Variants in INTS6L observed in about 807,000 individuals in gnomAD.
INTS6L encodes integrator complex subunit 6 like, also known as integrator complex subunit 6-like.
Under a neutral mutation model 64.7 loss-of-function variants are expected in INTS6L, and 18 were observed. That is an observed-to-expected ratio of 0.28 (90% confidence interval 0.19 to 0.41). The LOEUF (loss-of-function observed/expected upper bound fraction) is 0.41, where lower values mean the gene tolerates loss of function less well. Ranked by LOEUF, INTS6L falls within the 10% of genes least tolerant of loss-of-function variation. INTS6L has a pLI of 1.00. For synonymous variants in INTS6L, 227 were observed against 235.9 expected (o/e 0.96, Z 0.34); for missense variants, 533 against 661.0 (o/e 0.81, Z 2.12).
chrX:135,581,456 C>A, intron 17 of INTS6L, 72 bp from the exon 18 acceptor site: 1 of 769,509 alleles, frequency 1.3e-6, no homozygotes. Context: ...CGATTTGTAT[C>A]CCACACAGTG....
Position 135,570,559 on chromosome X carries a change from A to AAAAC in INTS6L, c.1398+25_1398+28dup. ...ACTCAGCCAACAGGTAGTATTGGTA[A>AAAAC]AAACAAACAAACAAAAATCCTTTGC... is the stretch of plus-strand genomic sequence containing the variant. On this transcript the variant is annotated intron_variant, in intron 11 of 17. Transcript: ENST00000639893. 3 of 1,150,642 alleles carry AAAAC rather than the reference A, an allele frequency of 2.6e-6. No individual in the cohort carries two copies. Among genetic ancestry groups the AAAAC allele is most frequent in the African/African-American group, 1.8e-5 (1 of 56,141 alleles). The allele number at this position is 1,150,642 out of a possible 1,213,427, so 94.8% of individuals were successfully genotyped here.
At chrX:135,560,623 A>G (rs2086763743) in intron 9 of INTS6L, among the ~76,000 whole-genome samples, 2 of 111,944 alleles carry the variant, frequency 1.8e-5, no homozygotes. Flanking sequence ...CGGGTGGATC[A>G]CCTGAGGTCA....
intron 2 of INTS6L, among the ~76,000 whole-genome samples, chrX:135,529,156 G>A (rs781941586): frequency 3.8e-4 from 43 of 112,026 alleles, no homozygotes; most frequent in Admixed American, 3.8e-3. Flanking sequence ...CACCAGTAGT[G>A]CTAAATGTTT....
chrX:135,544,120 A>C (rs1556514026), intron 2 of INTS6L, among the ~76,000 whole-genome samples: 1 of 111,880 alleles, frequency 8.9e-6, no homozygotes, highest in Non-Finnish European at 1.9e-5. Flanking sequence ...AGGGGGCGCC[A>C]CTCTCACAGA....
intron 2 of INTS6L, among the ~76,000 whole-genome samples, chrX:135,525,552 G>A (rs892538766): frequency 9.8e-5 from 11 of 112,314 alleles, no homozygotes; most frequent in African/African-American, 2.9e-4. Context: ...TTGCTTACTG[G>A]TGTCTGCATG....
chrX:135,556,274 A>G lies in INTS6L; in HGVS notation c.1166A>G (p.Asn389Ser), dbSNP rs781952568. The change falls in exon 9 of 18, where the codon AAC becomes AGC. Residue 389 changes from asparagine to serine, a missense_variant. Coordinates refer to ENST00000639893, the MANE Select transcript of INTS6L (RefSeq NM_001351601.3). ...TCVNLFVMPY[N>S]YPVLLPLLDD... is the part of the protein sequence containing the mutation. ...GTAAACCTCTTTGTGATGCCTTACA[A>G]CTACCCAGTTTTACTTCCTCTTTTA... is the stretch of plus-strand genomic sequence containing the variant. 2.5e-6 allele frequency: 3 copies of G among 1,189,814 alleles called. No homozygotes were observed. The highest frequency in any genetic ancestry group is 2.4e-5 in the Admixed American group (1 of 41,943).
At chrX:135,579,756 C>T in intron 15 of INTS6L, 32 bp from the exon 16 acceptor site, 2 of 1,154,212 alleles carry the variant, frequency 1.7e-6, no homozygotes, top group African/African-American at 1.8e-5. Flanking sequence ...ATACCCTTAC[C>T]TCACAGCTCA....
intron 7 of INTS6L, among the ~76,000 whole-genome samples, chrX:135,550,430 C>CTTT (rs35317599): frequency 6.9e-5 from 6 of 86,869 alleles, no homozygotes; most frequent in Non-Finnish European, 8.8e-5. Context: ...GATCAATTGG[C>CTTT]TTTTTTTTTT....
intron 1 of INTS6L, 69 bp downstream of exon 1, chrX:135,521,172 C>T (rs1283817703): frequency 8.5e-7 from 1 of 1,176,254 alleles, no homozygotes; most frequent in African/African-American, 1.8e-5. Context: ...TGAGGTGCTT[C>T]TGTAACGTTT....
chrX:135,547,535 T>G (rs1230300553), intron 6 of INTS6L, among the ~76,000 whole-genome samples: 1 of 112,279 alleles, frequency 8.9e-6, no homozygotes, highest in Admixed American at 9.4e-5. Context: ...TGGATGGCAC[T>G]GACTCATTCA....
intron 7 of INTS6L, 150 bp downstream of exon 7, chrX:135,549,955 C>A: frequency 1.6e-6 from 1 of 608,978 alleles, no homozygotes; most frequent in Non-Finnish European, 2.5e-6. Flanking sequence ...TACTGGAAGT[C>A]TAGCTTTGTG....
At chrX:135,529,352 C>G (rs1602806514) in intron 2 of INTS6L, among the ~76,000 whole-genome samples, 1 of 111,589 alleles carries the variant, frequency 9.0e-6, no homozygotes, top group African/African-American at 3.3e-5. Context: ...TGAGAGCTTT[C>G]TTGATGTTCC....
chrX:135,566,342 A>G (rs781969176), intron 9 of INTS6L, among the ~76,000 whole-genome samples: 2 of 112,261 alleles, frequency 1.8e-5, no homozygotes, highest in South Asian at 7.4e-4. Context: ...CATTATTAAT[A>G]CCTACATTAT....
intron 9 of INTS6L, among the ~76,000 whole-genome samples, chrX:135,562,842 T>C (rs1016905293): frequency 8.9e-6 from 1 of 112,260 alleles, no homozygotes; most frequent in Non-Finnish European, 1.9e-5. Context: ...CCCATCATTT[T>C]ACTTTGAACT....
At position 135,582,302 on chromosome X, in the gene INTS6L, G is replaced by A. The variant is rs2087389218; in HGVS notation, c.*666G>A. On this transcript the variant is annotated 3_prime_UTR_variant, in exon 18 of 18. Transcript: ENST00000639893. ...TCTGACATTTGTTCTTGCATGTGAT[G>A]ATAGAAAGTCTTCAGATGGACTTAT... 8.9e-6 allele frequency: 1 copy of A among 112,230 alleles called. No homozygotes were observed. The highest frequency in any genetic ancestry group is 9.5e-5 in the Admixed American group (1 of 10,558). The allele number at this position is 112,230 out of a possible 1,213,427, so 9.2% of individuals were successfully genotyped here.
At chrX:135,574,263 G>A (rs150126768) in intron 13 of INTS6L, among the ~76,000 whole-genome samples, 310 of 109,370 alleles carry the variant, frequency 2.8e-3, no homozygotes, top group Non-Finnish European at 4.7e-3. Flanking sequence ...TAATCAGCAC[G>A]TACACTACAC....
chrX:135,572,639 A>G (rs886324375), intron 11 of INTS6L, 176 bp from the exon 12 acceptor site: 3 of 385,766 alleles, frequency 7.8e-6, no homozygotes, highest in East Asian at 8.1e-5. Context: ...CCTGCCCCCT[A>G]TCTGTTTGCT....
At chrX:135,553,161 A>G (rs2086546511) in intron 8 of INTS6L, among the ~76,000 whole-genome samples, 1 of 108,156 alleles carries the variant, frequency 9.2e-6, no homozygotes, top group African/African-American at 3.6e-5. Context: ...TCTATGTTAT[A>G]TACTTTCAGA....
At chrX:135,554,549 T>C (rs1344104295) in intron 8 of INTS6L, among the ~76,000 whole-genome samples, 2 of 111,853 alleles carry the variant, frequency 1.8e-5, no homozygotes, top group Admixed American at 9.5e-5. Flanking sequence ...AGGTAGTGAA[T>C]TGGTAGGTGA....
Sources: gnomAD v4.1 joint callset for allele counts (sites outside exome capture counted in the v4.1 genomes callset) on GRCh38, gnomAD v4.1.1 for gene constraint, MANE v1.5 for transcripts, NCBI Gene and HGNC (gene_info 2026-07-23, HGNC 2026-07-21) for gene names.